Variants in MACF1 observed in about 807,000 individuals in gnomAD.
MACF1 encodes the protein microtubule actin crosslinking factor 1.
In MACF1, 193 loss-of-function variants were observed where a neutral mutation model predicts 854.8. The ratio of observed to expected loss-of-function variants is 0.23; its 90% confidence interval spans 0.20 to 0.25. MACF1 has a LOEUF of 0.25. Ranked by LOEUF, MACF1 falls within the 10% of genes least tolerant of loss-of-function variation. MACF1 has a pLI of 1.00. For missense variants in MACF1, 7,722 were observed against 8,929.1 expected (o/e 0.86, Z 5.45); for synonymous variants, 3,185 against 3,226.7 (o/e 0.99, Z 0.44).
In MACF1 at chr1:39,324,660, G is replaced by T; in HGVS notation, c.4404G>T (p.Glu1468Asp). 6.2e-7 allele frequency: 1 copy of T among 1,612,318 alleles called. No individual in the cohort carries two copies. Among genetic ancestry groups the T allele is most frequent in the Non-Finnish European group, 8.5e-7 (1 of 1,178,608 alleles). Residue 1468 changes from glutamate (E) to aspartate (D), a missense_variant, in exon 35 of 101, where the codon GAG (glutamate) becomes GAT (aspartate). Around this residue, in one of 15 missense-constraint regions of MACF1, gnomAD observed 1,531 missense variants for 1,601.6 expected, o/e 0.96. Transcript: ENST00000564288. The part of the protein sequence containing the change: ...AILEQQVLSE[E>D]LTTKKEQVSE... ...CTACCATGTAGGTTCTGTCAGAAGA[G>T]CTGACAACAAAGAAAGAACAAGTCT...
At chr1:39,343,188 T>C (rs1402081700) in intron 40 of MACF1, among the ~76,000 whole-genome samples, 1 of 152,210 alleles carries the variant, frequency 6.6e-6, no homozygotes, top group Non-Finnish European at 1.5e-5. Context: ...TTATTTGAGG[T>C]ATTACAGTGG....
intron 95 of MACF1, among the ~76,000 whole-genome samples, chr1:39,465,883 G>A (rs1644657664): frequency 6.6e-6 from 1 of 152,186 alleles, no homozygotes; most frequent in South Asian, 2.1e-4. Context: ...GGGAAGAACA[G>A]GGGATAAGAG....
chr1:39,468,096 TAGAA>T (rs1250372814), intron 95 of MACF1: 1 of 152,410 alleles, frequency 6.6e-6, no homozygotes, highest in Admixed American at 6.5e-5. Context: ...TTTATCCCAA[TAGAA>T]AGTATATTGG....
At chr1:39,317,479 T>G in intron 29 of MACF1, 72 bp downstream of exon 29, 3 of 1,469,006 alleles carry the variant, frequency 2.0e-6, no homozygotes, top group Non-Finnish European at 2.8e-6. Context: ...CAGAGTTATA[T>G]CTGTACATTT....
chr1:39,113,892 C>T (rs1642476871), intron 2 of MACF1, among the ~76,000 whole-genome samples: 1 of 152,058 alleles, frequency 6.6e-6, no homozygotes, highest in African/African-American at 2.4e-5. Flanking sequence ...AAAAATTAGC[C>T]AGGCATGGTG....
chr1:39,317,457 C>CT (rs773737732), intron 29 of MACF1, 50 bp downstream of exon 29: 101 of 1,564,154 alleles, frequency 6.5e-5, no homozygotes, highest in Non-Finnish European at 8.1e-5. Context: ...GGGACTAGGT[C>CT]TTAAACAAAA....
rs755855975 is a variant in MACF1 at position 39,447,531 on chromosome 1, G to A, written c.19705G>A (p.Ala6569Thr). 6.8e-6 allele frequency: 11 copies of A among 1,614,124 alleles called. No homozygotes were observed. Among genetic ancestry groups the A allele is most frequent in the South Asian group, 6.6e-5 (6 of 91,078 alleles). The change falls in exon 81 of 101, where the codon GCT becomes ACT. Residue 6569 changes from alanine to threonine, a missense_variant. By Grantham distance (58) the Ala-to-Thr change is moderately conservative (BLOSUM62 0). Transcript: ENST00000564288. ...LTLAEQSLNI[A>T]SPPSLILNTV... ...TCTAGCAGAGCAGAGTTTAAACATC[G>A]CTTCTCCACCAAGCCTGATTCTAAA...
chr1:39,167,371 A>G (rs576822918), intron 2 of MACF1, among the ~76,000 whole-genome samples: 1 of 150,960 alleles, frequency 6.6e-6, no homozygotes, highest in Non-Finnish European at 1.5e-5. Flanking sequence ...GGAGTTCAAG[A>G]CCAGCCTGGT....
chr1:39,374,246 AAAAT>A (rs1047368170), intron 52 of MACF1, among the ~76,000 whole-genome samples: 2 of 152,240 alleles, frequency 1.3e-5, no homozygotes, highest in African/African-American at 4.8e-5. Flanking sequence ...TGTCTAAAAA[AAAAT>A]AAATAAATAA....
chr1:39,429,358 T>A (rs1393881387), intron 64 of MACF1, 32 bp downstream of exon 64: 3 of 1,247,676 alleles, frequency 2.4e-6, no homozygotes, highest in Non-Finnish European at 3.5e-6. Context: ...TTAGCACCCC[T>A]ATGGTCTCAA....
upstream of MACF1, among the ~76,000 whole-genome samples, chr1:39,202,214 C>T (rs1276419507): frequency 6.7e-6 from 1 of 150,202 alleles, no homozygotes; most frequent in Non-Finnish European, 1.5e-5. Context: ...GATCCACCCG[C>T]CTCCGCCTCC....
intron 97 of MACF1, among the ~76,000 whole-genome samples, chr1:39,476,932 C>G (rs1471247161): frequency 6.8e-6 from 1 of 147,850 alleles, no homozygotes; most frequent in African/African-American, 2.5e-5. Context: ...GACGCCTGCT[C>G]CCTTGCTGAC....
chr1:39,431,068 G>A (rs991659100), intron 66 of MACF1, among the ~76,000 whole-genome samples, 160 bp downstream of exon 66: 2 of 152,216 alleles, frequency 1.3e-5, no homozygotes, highest in African/African-American at 4.8e-5. Context: ...TTGGGTAGAA[G>A]TTTGTGAGGA....
chr1:39,467,999 T>A (rs544067179), intron 95 of MACF1: 8 of 152,316 alleles, frequency 5.3e-5, no homozygotes, highest in African/African-American at 1.9e-4. Context: ...GAATCTCTTT[T>A]AAAAAAATAA....
rs1267301023 is a variant in MACF1, at chr1:39,149,424, G to A, written c.220+64986G>A. Among the ~76,000 whole-genome samples the A allele has an allele frequency of 2.0e-5, 3 of 152,014 alleles. No homozygotes were observed. The East Asian group carries it at 5.8e-4, about 29-fold the overall frequency. On this transcript the variant is annotated intron_variant, in intron 2 of 93. Coordinates refer to the MACF1 transcript ENST00000361689. ...TGTAATCCCAACTACTCGGGAGGCT[G>A]AGGTGAGGCAGGAGAATCACTTGAA...
chr1:39,331,175 T>C (rs1358581889), intron 36 of MACF1, 28 bp from the exon 37 acceptor site: 1 of 55,528 alleles, frequency 1.8e-5, no homozygotes, highest in Non-Finnish European at 3.0e-5. Context: ...TCTTTTCCTT[T>C]TTTTTTTTTT....
intron 58 of MACF1, among the ~76,000 whole-genome samples, chr1:39,399,972 A>G (rs1344085391): frequency 6.6e-6 from 1 of 152,226 alleles, no homozygotes; most frequent in African/African-American, 2.4e-5. Context: ...GACTTGAGGT[A>G]TATATCCTTG....
At position 39,251,871 on chromosome 1, in the gene MACF1, G is replaced by A. The variant is rs1340384666; in HGVS notation, c.287G>A (p.Arg96His). 2.2e-5 allele frequency: 33 copies of A among 1,507,380 alleles called. No individual in the cohort carries two copies. Among genetic ancestry groups the A allele is most frequent in the Middle Eastern group, 1.8e-4 (1 of 5,646 alleles). 93.4% of individuals were successfully genotyped at this position (1,507,380 alleles called of 1,614,324 possible). A position where few individuals can be genotyped will look rare whatever the true frequency, so the allele number is the denominator to read the frequency against. ...KLEPAGLKTLRLVSMPSWCHT... is the reference protein window; with the variant it reads ...KLEPAGLKTLHLVSMPSWCHT... ...GAGCCAGCAGGGCTGAAGACCCTCC[G>A]TCTGGTGAGCATGCCCTCCTGGTGC... Residue 96 changes from arginine to histidine, a missense_variant, in exon 4 of 101, where the codon CGT becomes CAT. Around this residue, in one of 15 missense-constraint regions of MACF1, gnomAD observed 82 missense variants for 84.0 expected, o/e 0.98. Transcript: ENST00000564288.
intron 97 of MACF1, among the ~76,000 whole-genome samples, chr1:39,474,131 G>A (rs1350049217): frequency 6.6e-6 from 1 of 152,092 alleles, no homozygotes; most frequent in South Asian, 2.1e-4. Flanking sequence ...GCTCATGCCT[G>A]TAATCCCAGC....
Sources: gnomAD v4.1 joint callset for allele counts (sites outside exome capture counted in the v4.1 genomes callset) on GRCh38, gnomAD v4.1.1 for gene constraint, gnomAD v4.1.1 regional missense constraint, MANE v1.5 for transcripts, NCBI Gene and HGNC (gene_info 2026-07-23, HGNC 2026-07-21) for gene names.